The following DSG4 variants were observed in gnomAD, a reference collection of about 807,000 sequenced individuals.
DSG4 encodes desmoglein-4.
In DSG4, 87 loss-of-function variants were observed where a neutral mutation model predicts 93.1. The ratio of observed to expected loss-of-function variants is 0.93; its 90% CI spans 0.79 to 1.12. The LOEUF is 1.12. Among genes scored for constraint, DSG4 ranks in the 50% most tolerant of loss-of-function variants. The pLI, the probability that DSG4 is intolerant of heterozygous loss-of-function variation, is 0.00. For missense variants in DSG4, 1,373 were observed against 1,285.7 expected (o/e 1.07, Z -1.04); for synonymous variants, 432 against 452.9 (o/e 0.95, Z 0.59).
At position 31,389,053 on chromosome 18, in the gene DSG4, C is replaced by T. The variant is rs147207368; in HGVS notation, c.517+35C>T. On this transcript the variant is annotated intron_variant, in intron 5 of 15. Coordinates refer to ENST00000308128, the MANE Select transcript of DSG4 (RefSeq NM_177986.5). ...ATGACATTCCTTCTCTACGTCACAG[C>T]ATATCTACTTCTCTTGGTCAAAAGC... 998 of 1,607,804 alleles carry T rather than the reference C, an allele frequency of 6.2e-4. 10 individuals carry two copies. In the African/African-American group the frequency reaches 0.012, roughly 20 times the overall value.
chr18:31,389,150 T>A (rs1238020739), intron 5 of DSG4, 132 bp downstream of exon 5: 20 of 960,716 alleles, frequency 2.1e-5, no homozygotes, highest in Non-Finnish European at 3.2e-5. Context: ...AAACCCCACA[T>A]ATTTTAATTT....
At chr18:31,405,966 C>A in intron 11 of DSG4, 111 bp from the exon 12 acceptor site, 1 of 1,168,740 alleles carries the variant, frequency 8.6e-7, no homozygotes, top group Non-Finnish European at 1.3e-6. Flanking sequence ...ACTAAGAAAG[C>A]ATGAAAAATC....
chr18:31,409,316 A>C (rs1372162956), intron 12 of DSG4, 136 bp from the exon 13 acceptor site: 1 of 1,352,852 alleles, frequency 7.4e-7, no homozygotes, highest in Non-Finnish European at 1.0e-6. Context: ...TAAAGGAAAA[A>C]AATGAGATTT....
chr18:31,403,560 G>C lies in DSG4; in HGVS notation c.1562G>C (p.Gly521Ala). The C allele has an allele frequency of 6.2e-7, 1 of 1,613,930 alleles. No individual in the cohort carries two copies. Among genetic ancestry groups the C allele is most frequent in the South Asian group, 1.1e-5 (1 of 91,064 alleles). ...ATCTCTGTTAATGAACATTCTTATG[G>C]GTCTCCGTTTACTTTCTGTGTTGTT... ...VLISVNEHSY[G>A]SPFTFCVVDE... The change falls in exon 11 of 16, where the codon GGG (glycine) becomes GCG (alanine). Residue 521 changes from glycine (G) to alanine (A), a missense_variant. Physicochemically the swap from Gly to Ala is moderately conservative, Grantham distance 60. Transcript: ENST00000308128.
intron 1 of DSG4, among the ~76,000 whole-genome samples, chr18:31,383,399 TAA>T (rs2072156251): frequency 6.6e-6 from 1 of 152,208 alleles, no homozygotes; most frequent in African/African-American, 2.4e-5. Context: ...ATTGTTCCTA[TAA>T]GAGTCTTCAA....
intron 1 of DSG4, among the ~76,000 whole-genome samples, chr18:31,379,904 A>ATTGC (rs1277725672): frequency 6.6e-6 from 1 of 151,908 alleles, no homozygotes; most frequent in African/African-American, 2.4e-5. Flanking sequence ...AATACCCTAG[A>ATTGC]TTGCTTTAAA....
chr18:31,411,592 C>G, intron 15 of DSG4, 144 bp downstream of exon 15: 2 of 1,038,830 alleles, frequency 1.9e-6, no homozygotes, highest in Admixed American at 2.1e-5. Flanking sequence ...TATTTCACGT[C>G]TCCTTAAAAC....
chr18:31,400,995 C>T lies in DSG4; in HGVS notation c.1392C>T (p.Tyr464=), dbSNP rs1347845108. 3 of 1,607,522 alleles carry T rather than the reference C, an allele frequency of 1.9e-6. No individual in the cohort carries two copies. The highest frequency in any genetic ancestry group is 2.6e-6 in the Non-Finnish European group (3 of 1,176,406). The change falls in exon 10 of 16, where the codon TAC becomes TAT. Residue 464 remains tyrosine, a synonymous_variant. Transcript: ENST00000308128. ...CAAAATATATTATCAATGGGATATA[C>T]ACAGCAGAGATCCTGGCTATAGATG... is the stretch of plus-strand genomic sequence containing the variant. ...KKSKYIINGI[Y]TAEILAIDDG... is the part of the protein sequence containing the mutation.
In DSG4 at chr18:31,409,806, C is replaced by T; in HGVS notation, c.2135C>T (p.Ser712Phe). The change falls in exon 14 of 16, where the codon TCT becomes TTT. Residue 712 changes from serine (S) to phenylalanine (F), a missense_variant and splice_region_variant. Transcript: ENST00000308128. ...AATACCCAGGATCGGATGGATTCCT[C>T]TGGTCAGTAGACACCAAAATCTGTT... ...ASNTQDRMDS[S>F]EIYTNTYAAG... is the part of the protein sequence containing the mutation. 6.2e-7 allele frequency: 1 copy of T among 1,614,160 alleles called. No individual in the cohort carries two copies. The highest frequency in any genetic ancestry group is 8.5e-7 in the Non-Finnish European group (1 of 1,180,034).
rs948423456 is a variant in DSG4, at chr18:31,414,232, A to G, written c.*637A>G. 2 of 152,152 alleles carry G rather than the reference A, an allele frequency of 1.3e-5. No homozygotes were observed. Among genetic ancestry groups the G allele is most frequent in the East Asian group, 3.8e-4 (2 of 5,204 alleles). 9.4% of individuals were successfully genotyped at this position (152,152 alleles called of 1,614,324 possible). ...AATGGTTCATCAAAGAAAAATATAT[A>G]TTTTTATTGAACTTTATTGATTTAT... On this transcript the variant is annotated 3_prime_UTR_variant, in exon 16 of 16. Coordinates refer to ENST00000308128, the MANE Select transcript of DSG4 (RefSeq NM_177986.5).
At chr18:31,399,683 C>T in intron 9 of DSG4, 140 bp downstream of exon 9, 3 of 1,118,660 alleles carry the variant, frequency 2.7e-6, no homozygotes, top group Non-Finnish European at 3.9e-6. Flanking sequence ...ACTATTAGAG[C>T]ATTTGAAATC....
chr18:31,386,616 A>G (rs2072190206), intron 2 of DSG4, 72 bp from the exon 3 acceptor site: 1 of 1,594,588 alleles, frequency 6.3e-7, no homozygotes, highest in South Asian at 1.1e-5. Flanking sequence ...GCACCTTACA[A>G]TATTAAATAA....
At chr18:31,396,480 G>A (rs1348562042) in intron 8 of DSG4, among the ~76,000 whole-genome samples, 1 of 150,378 alleles carries the variant, frequency 6.6e-6, no homozygotes, top group Admixed American at 6.7e-5. Flanking sequence ...TCAGCCTCCG[G>A]AGTAGCTGGG....
At chr18:31,387,858 T>C (rs564527020) in intron 3 of DSG4, among the ~76,000 whole-genome samples, 2 of 152,288 alleles carry the variant, frequency 1.3e-5, no homozygotes, top group East Asian at 3.9e-4. Flanking sequence ...CCATAAAATC[T>C]ATTTGGCAGA....
intron 10 of DSG4, 103 bp from the exon 11 acceptor site, chr18:31,403,313 C>T (rs973136559): frequency 1.4e-5 from 14 of 981,302 alleles, no homozygotes; most frequent in African/African-American, 9.7e-5. Flanking sequence ...TCCCAAGTCA[C>T]GTATATGTTT....
chr18:31,394,478 G>A (rs935802978), intron 8 of DSG4, among the ~76,000 whole-genome samples: 2 of 152,172 alleles, frequency 1.3e-5, no homozygotes, highest in African/African-American at 4.8e-5. Context: ...TCGGGAGGCT[G>A]AGGCAGGAGA....
intron 7 of DSG4, 99 bp from the exon 8 acceptor site, chr18:31,392,056 C>A: frequency 8.7e-7 from 1 of 1,148,402 alleles, no homozygotes; most frequent in Non-Finnish European, 1.3e-6. Context: ...AAATCATCGA[C>A]ATAGTTTGTT....
chr18:31,389,143 C>A (rs538933300), intron 5 of DSG4, 125 bp downstream of exon 5: 2 of 1,036,254 alleles, frequency 1.9e-6, no homozygotes, highest in South Asian at 1.4e-5. Context: ...TTTGAATAAA[C>A]CCCACATATT....
At chr18:31,396,690 TGAA>T (rs1450556440) in intron 8 of DSG4, among the ~76,000 whole-genome samples, 1 of 152,028 alleles carries the variant, frequency 6.6e-6, no homozygotes, top group African/African-American at 2.4e-5. Flanking sequence ...GAAACAAAAT[TGAA>T]GAAGACAAAT....
Sources: gnomAD v4.1 joint callset for allele counts (sites outside exome capture counted in the v4.1 genomes callset) on GRCh38, gnomAD v4.1.1 for gene constraint, MANE v1.5 for transcripts, NCBI Gene and HGNC (gene_info 2026-07-23, HGNC 2026-07-21) for gene names.